Variants in EFHB observed in about 807,000 individuals in gnomAD.
The protein encoded by EFHB is EF-hand domain family member B.
A neutral mutation model predicts 87.2 loss-of-function variants in EFHB; 91 were observed. The ratio of observed to expected loss-of-function variants is 1.04; its 90% confidence interval spans 0.88 to 1.24. The LOEUF is 1.24. Ranked by LOEUF, EFHB falls within the 50% of genes most tolerant of loss-of-function variation. The pLI is 0.00. For synonymous variants in EFHB, 325 were observed against 333.6 expected, an observed-to-expected ratio of 0.97 and a Z score of 0.28; for missense variants, 1,084 against 998.8, an observed-to-expected ratio of 1.09 and a Z score of -1.15.
At chr3:19,905,024 T>C (rs1387573275) in intron 6 of EFHB, among the ~76,000 whole-genome samples, 1 of 152,128 alleles carries the variant, frequency 6.6e-6, no homozygotes, top group Non-Finnish European at 1.5e-5. Flanking sequence ...AATGAAGAGA[T>C]AAAAAGGTCA....
At chr3:19,929,425 G>A (rs563760098) in intron 1 of EFHB, among the ~76,000 whole-genome samples, 53 of 151,852 alleles carry the variant, frequency 3.5e-4, no homozygotes, top group African/African-American at 1.3e-3. Flanking sequence ...AATTGGCTTG[G>A]CCAGGTGTGG....
chr3:19,944,930 A>C (rs2125173332), intron 1 of EFHB, among the ~76,000 whole-genome samples: 1 of 152,360 alleles, frequency 6.6e-6, no homozygotes, highest in South Asian at 2.1e-4. Context: ...ATTCAATGAA[A>C]GGCTAAGGAG....
In EFHB at chr3:19,924,874, T is replaced by TA. The variant is rs749988784; in HGVS notation, c.790-4308dup. Among the ~76,000 whole-genome samples the TA allele has an allele frequency of 1.3e-3, 193 of 150,988 alleles. 1 individual carries two copies. Among genetic ancestry groups the TA allele is most frequent in the Middle Eastern group, 0.01 (3 of 294 alleles). Reference sequence around the variant, plus strand: ...TACCCTAAAACTTAAAGTATAATAATAAAAAAAAAGAAATAAAGATCTGGA... The same window carrying TA: ...TACCCTAAAACTTAAAGTATAATAATAAAAAAAAAAGAAATAAAGATCTGGA... On this transcript the variant is annotated intron_variant, in intron 1 of 12. Transcript: ENST00000295824.
At chr3:19,945,231 A>C (rs1030740163) in intron 1 of EFHB, among the ~76,000 whole-genome samples, 1 of 152,218 alleles carries the variant, frequency 6.6e-6, no homozygotes, top group Non-Finnish European at 1.5e-5. Context: ...GAACAAATAA[A>C]GAGTATGGGG....
intron 4 of EFHB, among the ~76,000 whole-genome samples, chr3:19,917,851 T>C (rs914559828): frequency 6.6e-6 from 1 of 152,192 alleles, no homozygotes; most frequent in Non-Finnish European, 1.5e-5. Flanking sequence ...ATGAACTCTG[T>C]TGCATAAAGA....
chr3:19,936,074 CA>C (rs545139438), upstream of EFHB: 11 of 1,146,982 alleles, frequency 9.6e-6, no homozygotes, highest in South Asian at 3.2e-4. Context: ...CAGAACTCTA[CA>C]AAAACCCCTT....
chr3:19,927,877 C>T (rs1358250525), intron 1 of EFHB, among the ~76,000 whole-genome samples: 1 of 151,388 alleles, frequency 6.6e-6, no homozygotes, highest in Non-Finnish European at 1.5e-5. Flanking sequence ...TTGAGTTTAA[C>T]CAAGCTTACA....
Position 19,933,691 on chromosome 3 carries a change from C to T in EFHB, c.328G>A (p.Gly110Arg), listed in dbSNP as rs369973419. Residue 110 changes from glycine (G) to arginine (R), a missense_variant, in exon 1 of 13, where the codon GGG (glycine) becomes AGG (arginine). Coordinates refer to ENST00000295824, the MANE Select transcript of EFHB (RefSeq NM_144715.4). ...TKPSLLPGRM[G>R]LENESLLAGY... ...GCAAGAAGACTCTCATTTTCTAACCCCATTCTTCCTGGCAACAGAGAAGGT... is the reference window on the plus strand; with the variant it reads ...GCAAGAAGACTCTCATTTTCTAACCTCATTCTTCCTGGCAACAGAGAAGGT... The T allele has an allele frequency of 6.2e-7, 1 of 1,613,990 alleles. No homozygotes were observed.
chr3:19,939,909 C>T (rs576202329), intron 1 of EFHB, among the ~76,000 whole-genome samples: 1 of 152,232 alleles, frequency 6.6e-6, no homozygotes, highest in African/African-American at 2.4e-5. Flanking sequence ...ACTCTGGCAC[C>T]CTCCAACAAC....
At chr3:19,886,425 C>G (rs1906130) in intron 10 of EFHB, among the ~76,000 whole-genome samples, 3 of 151,862 alleles carry the variant, frequency 2.0e-5, no homozygotes, top group Non-Finnish European at 4.4e-5. Context: ...TTTTAAAAAG[C>G]TGAACCTCTA....
intron 6 of EFHB, among the ~76,000 whole-genome samples, chr3:19,902,764 C>G (rs186549705): frequency 1.3e-5 from 2 of 152,348 alleles, no homozygotes; most frequent in Admixed American, 1.3e-4. Flanking sequence ...GACTAACACT[C>G]TTGACTCCAC....
upstream of EFHB, among the ~76,000 whole-genome samples, chr3:19,937,976 A>G (rs1001820296): frequency 2.6e-5 from 4 of 152,124 alleles, no homozygotes; most frequent in Non-Finnish European, 5.9e-5. Flanking sequence ...TCAATGTTTT[A>G]TGCTTTGACC....
rs58066421 is a variant in EFHB at position 19,915,757 on chromosome 3, TAAA to T, written c.1178-347_1178-345del. On this transcript the variant is annotated intron_variant, in intron 4 of 12. Coordinates refer to ENST00000295824, the MANE Select transcript of EFHB (RefSeq NM_144715.4). Reference sequence around the variant, plus strand: ...CAACATGGTGAAACCCCATTTCTACTAAAAAAAAAAAAAAAATCCAGCCTGGAC... The same window carrying T: ...CAACATGGTGAAACCCCATTTCTACTAAAAAAAAAAAAATCCAGCCTGGAC... Among the ~76,000 whole-genome samples, 10 of 141,386 alleles carry T rather than the reference TAAA, an allele frequency of 7.1e-5. No homozygotes were observed. In the East Asian group the frequency reaches 1.1e-3, roughly 15 times the overall value. 92.8% of individuals were successfully genotyped at this position (141,386 alleles called of 152,430 possible).
At chr3:19,918,087 A>C in intron 4 of EFHB, 145 bp downstream of exon 4, 1 of 960,076 alleles carries the variant, frequency 1.0e-6, no homozygotes, top group South Asian at 2.0e-5. Flanking sequence ...TCTGAGAGTA[A>C]CTTTCTTGCA....
At chr3:19,941,819 T>G in intron 1 of EFHB, among the ~76,000 whole-genome samples, 1 of 145,304 alleles carries the variant, frequency 6.9e-6, no homozygotes. Flanking sequence ...ATTGCGCCAC[T>G]GCACTCCAGC....
intron 1 of EFHB, among the ~76,000 whole-genome samples, chr3:19,929,946 C>T (rs1448053604): frequency 2.6e-5 from 4 of 152,138 alleles, no homozygotes; most frequent in Admixed American, 2.6e-4. Flanking sequence ...AATCCCACCA[C>T]TTTTTAGCTA....
chr3:19,933,835 T>C lies in EFHB; in HGVS notation c.184A>G (p.Thr62Ala). Residue 62 changes from threonine to alanine, a missense_variant, in exon 1 of 13, where the codon ACA (threonine) becomes GCA (alanine). Coordinates refer to ENST00000295824, the MANE Select transcript of EFHB (RefSeq NM_144715.4). ...AGCCCCTTGCTCAATGGAAATTTTG[T>C]TTCTGGTGGTGCCATCCTTCCCTCA... Reference protein sequence around the residue: ...KCEGRMAPPETKFPLSKGLEM... With the variant: ...KCEGRMAPPEAKFPLSKGLEM... 6.2e-7 allele frequency: 1 copy of C among 1,613,974 alleles called. No individual in the cohort carries two copies. Among genetic ancestry groups the C allele is most frequent in the South Asian group, 1.1e-5 (1 of 91,064 alleles).
At chr3:19,916,216 C>A (rs9855399) in intron 4 of EFHB, among the ~76,000 whole-genome samples, 4,508 of 152,124 alleles carry the variant, frequency 0.03, 223 homozygotes, top group African/African-American at 0.099. Context: ...CTGTTTTGAT[C>A]TGAATCTGTA....
At chr3:19,946,907 G>T (rs1298807475) in intron 1 of EFHB, 1 of 152,538 alleles carries the variant, frequency 6.6e-6, no homozygotes, top group Non-Finnish European at 1.5e-5. Context: ...GAGAGGGCGT[G>T]GCCGCGCGTA....
Sources: gnomAD v4.1 joint callset for allele counts (sites outside exome capture counted in the v4.1 genomes callset) on GRCh38, gnomAD v4.1.1 for gene constraint, MANE v1.5 for transcripts, NCBI Gene and HGNC (gene_info 2026-07-23, HGNC 2026-07-21) for gene names.